Variants in TMEM117 observed in about 807,000 individuals in gnomAD.
TMEM117 encodes the protein transmembrane protein 117.
In TMEM117, 27 loss-of-function variants were observed where a neutral mutation model predicts 52.4. The observed-to-expected ratio is 0.51, with a 90% confidence interval of 0.38 to 0.71. The LOEUF (loss-of-function observed/expected upper bound fraction) is 0.71. Ranked by LOEUF, TMEM117 falls within the 30% of genes least tolerant of loss-of-function variation. The pLI, the probability that TMEM117 is intolerant of heterozygous loss-of-function variation, is 0.00. For synonymous variants in TMEM117, 215 were observed against 206.3 expected, an observed-to-expected ratio of 1.04 and a Z score of -0.36; for missense variants, 556 against 630.5, an observed-to-expected ratio of 0.88 and a Z score of 1.26.
intron 3 of TMEM117, among the ~76,000 whole-genome samples, chr12:44,023,960 T>TAA (rs140411826): frequency 6.7e-6 from 1 of 149,214 alleles, no homozygotes; most frequent in African/African-American, 2.5e-5. Flanking sequence ...ACTTAAAGTA[T>TAA]AAAAAAAAAA....
intron 2 of TMEM117, among the ~76,000 whole-genome samples, chr12:43,866,278 C>A (rs1002080087): frequency 4.6e-5 from 7 of 151,584 alleles, no homozygotes; most frequent in African/African-American, 1.7e-4. Flanking sequence ...AAAATTTCAA[C>A]CTAAAATTCT....
rs576611369 is a variant in TMEM117 at position 43,940,786 on chromosome 12, C to T, written c.278-3424C>T. 7.2e-5 allele frequency among the ~76,000 whole-genome samples: 11 copies of T among 152,234 alleles called. No individual in the cohort carries two copies. The East Asian group carries it at 7.7e-4, about 11-fold the overall frequency. On this transcript the variant is annotated intron_variant, in intron 2 of 7. Transcript: ENST00000266534. ...CTCGAACTCCTGACCTCAGGTGATCCGCCTGCCTCGGCCTCCCAAAGTGCT... is the reference window on the plus strand; with the variant it reads ...CTCGAACTCCTGACCTCAGGTGATCTGCCTGCCTCGGCCTCCCAAAGTGCT...
chr12:44,024,429 C>T (rs1311521917), intron 3 of TMEM117, among the ~76,000 whole-genome samples: 1 of 152,062 alleles, frequency 6.6e-6, no homozygotes, highest in Non-Finnish European at 1.5e-5. Context: ...GTACAGAGAG[C>T]ATGGATTGAG....
intron 5 of TMEM117, among the ~76,000 whole-genome samples, chr12:44,241,225 T>G (rs1010838866): frequency 9.9e-5 from 15 of 151,596 alleles, no homozygotes; most frequent in Non-Finnish European, 2.1e-4. Flanking sequence ...GTTTTTTTTT[T>G]ATGCTTTTTT....
intron 2 of TMEM117, among the ~76,000 whole-genome samples, chr12:43,873,170 C>A (rs1412177281): frequency 6.6e-6 from 1 of 152,122 alleles, no homozygotes; most frequent in African/African-American, 2.4e-5. Context: ...AATTAAAACT[C>A]CTTTTAATGG....
chr12:44,223,856 A>G (rs751115277), intron 5 of TMEM117, among the ~76,000 whole-genome samples: 3 of 152,200 alleles, frequency 2.0e-5, no homozygotes, highest in Non-Finnish European at 2.9e-5. Context: ...AAAGCTGCCA[A>G]GAGAAGCTTC....
chr12:44,243,025 A>C (rs1366541088), intron 5 of TMEM117, among the ~76,000 whole-genome samples: 1 of 151,910 alleles, frequency 6.6e-6, no homozygotes, highest in Admixed American at 6.6e-5. Context: ...GCATTTTTTC[A>C]TATCCTTGTT....
intron 2 of TMEM117, among the ~76,000 whole-genome samples, chr12:43,864,582 A>G (rs1943550997): frequency 6.6e-6 from 1 of 151,838 alleles, no homozygotes; most frequent in African/African-American, 2.4e-5. Flanking sequence ...TCGTAAATAC[A>G]CCAGTTGACA....
At chr12:44,182,386 A>C (rs944256306) in intron 4 of TMEM117, among the ~76,000 whole-genome samples, 1 of 152,188 alleles carries the variant, frequency 6.6e-6, no homozygotes, top group Non-Finnish European at 1.5e-5. Context: ...AACTTCCAAC[A>C]CTATGTTGAA....
chr12:44,106,023 T>C lies in TMEM117; in HGVS notation c.411-37502T>C, dbSNP rs370550231. ...TGTGTCCATACCGAGCCTCTAGCAA[T>C]TTATCAATTACAGTTCAGGTTTTTC... On this transcript the variant is annotated intron_variant, in intron 3 of 7. Transcript: ENST00000266534. Among the ~76,000 whole-genome samples, 17 of 152,204 alleles carry C rather than the reference T, an allele frequency of 1.1e-4. No homozygotes were observed. In the East Asian group the frequency reaches 1.5e-3, roughly 14 times the overall value.
At chr12:44,035,501 T>G (rs1448967319) in intron 3 of TMEM117, among the ~76,000 whole-genome samples, 2 of 152,220 alleles carry the variant, frequency 1.3e-5, no homozygotes, top group Non-Finnish European at 2.9e-5. Context: ...ATACGTTATT[T>G]AACTGGATGT....
At chr12:43,850,893 ATGT>A (rs1022972246) in intron 2 of TMEM117, among the ~76,000 whole-genome samples, 17 of 151,836 alleles carry the variant, frequency 1.1e-4, no homozygotes, top group East Asian at 1.9e-4. Flanking sequence ...GATGATGATG[ATGT>A]TGTGTGTATG....
rs114910295 is a variant in TMEM117 at position 43,966,675 on chromosome 12, A to T, written c.410+22333A>T. Among the ~76,000 whole-genome samples, 1,068 of 152,304 alleles carry T rather than the reference A, an allele frequency of 7.0e-3. 11 individuals are homozygous for T. Among genetic ancestry groups the T allele is most frequent in the African/African-American group, 0.023 (965 of 41,562 alleles). On this transcript the variant is annotated intron_variant, in intron 3 of 7. Transcript: ENST00000266534. The stretch of plus-strand genomic sequence containing the variant: ...GAACATGAAATTATTTTAAGATAAA[A>T]GCTCTTTTCCAGGAATAACTTGTAT...
At chr12:44,208,631 C>T (rs1441147887) in intron 4 of TMEM117, among the ~76,000 whole-genome samples, 1 of 150,600 alleles carries the variant, frequency 6.6e-6, no homozygotes, top group African/African-American at 2.4e-5. Flanking sequence ...AATTTAGCTA[C>T]AAGTGACCTG....
intron 3 of TMEM117, among the ~76,000 whole-genome samples, chr12:43,959,695 G>A (rs1456941285): frequency 6.6e-6 from 1 of 152,088 alleles, no homozygotes; most frequent in Non-Finnish European, 1.5e-5. Context: ...AGGAAGGAGT[G>A]TTTGTGTGTT....
chr12:44,331,215 T>C (rs1210967855), intron 6 of TMEM117, among the ~76,000 whole-genome samples: 1 of 151,968 alleles, frequency 6.6e-6, no homozygotes, highest in Non-Finnish European at 1.5e-5. Context: ...TTCTCTTTTT[T>C]TTTGTTGGCA....
chr12:44,256,131 CAT>C (rs1311156455), intron 5 of TMEM117, among the ~76,000 whole-genome samples: 1 of 151,790 alleles, frequency 6.6e-6, no homozygotes, highest in Non-Finnish European at 1.5e-5. Flanking sequence ...AACATAAACA[CAT>C]ATGTACACAC....
intron 2 of TMEM117, among the ~76,000 whole-genome samples, chr12:43,856,889 T>C (rs1173022715): frequency 6.6e-6 from 1 of 152,194 alleles, no homozygotes; most frequent in Non-Finnish European, 1.5e-5. Flanking sequence ...ATTATTGATA[T>C]TTGATGTTTT....
At chr12:44,326,739 A>G (rs1284588799) in intron 6 of TMEM117, among the ~76,000 whole-genome samples, 1 of 152,232 alleles carries the variant, frequency 6.6e-6, no homozygotes, top group Non-Finnish European at 1.5e-5. Flanking sequence ...TCAATGTCCT[A>G]TGAGGCCCTT....
Sources: gnomAD v4.1 joint callset for allele counts (sites outside exome capture counted in the v4.1 genomes callset) on GRCh38, gnomAD v4.1.1 for gene constraint, MANE v1.5 for transcripts, NCBI Gene and HGNC (gene_info 2026-07-23, HGNC 2026-07-21) for gene names.